RHOA: variants seen among roughly 807,000 people sequenced by gnomAD.
RHOA encodes the protein ras homolog family member A.
RHOA carries 3 observed loss-of-function variants against 17.5 expected under a neutral mutation model. The observed-to-expected ratio is 0.17, with a 90% CI of 0.08 to 0.44. The LOEUF is 0.44. Among genes scored for constraint, RHOA ranks in the 20% least tolerant of loss-of-function variants. RHOA has a pLI of 0.99. For missense variants in RHOA, 56 were observed against 242.3 expected (o/e 0.23, Z 5.10); for synonymous variants, 98 against 88.4 (o/e 1.11, Z -0.61).
chr3:49,361,148 C>A (rs2047965053), intron 4 of RHOA: 1 of 163,706 alleles, frequency 6.1e-6, no homozygotes, highest in South Asian at 1.2e-4. Flanking sequence ...ATGGTAACTA[C>A]CCCCTACCAA....
At chr3:49,377,687 T>C (rs868301460) in intron 1 of RHOA, among the ~76,000 whole-genome samples, 7 of 150,800 alleles carry the variant, frequency 4.6e-5, no homozygotes, top group East Asian at 1.9e-4. Flanking sequence ...GGTGGGAGGA[T>C]TGCTTGAGCC....
intron 3 of RHOA, among the ~76,000 whole-genome samples, chr3:49,364,312 C>T (rs2048019209): frequency 6.6e-6 from 1 of 151,964 alleles, no homozygotes; most frequent in Non-Finnish European, 1.5e-5. Flanking sequence ...ATGGAGAAAC[C>T]CCGTCTCTAC....
rs878870965 is a variant in RHOA at position 49,362,629 on chromosome 3, G to T, written c.278-3C>A. The T allele has an allele frequency of 6.2e-7, 1 of 1,606,258 alleles. No individual in the cohort carries two copies. Among genetic ancestry groups the T allele is most frequent in the Non-Finnish European group, 8.5e-7 (1 of 1,176,440 alleles). ...GGTCCACTTTTCTGGGATGTTTTCTGAAAGAAAAATGTAGAGAATTTGGGG... is the reference window on the plus strand; with the variant it reads ...GGTCCACTTTTCTGGGATGTTTTCTTAAAGAAAAATGTAGAGAATTTGGGG... On this transcript the variant is annotated splice_region_variant and splice_polypyrimidine_tract_variant and intron_variant, in intron 3 of 4. Coordinates refer to ENST00000418115, the MANE Select transcript of RHOA (RefSeq NM_001664.4).
intron 4 of RHOA, among the ~76,000 whole-genome samples, chr3:49,361,741 C>T (rs1210272924): frequency 2.6e-5 from 4 of 151,990 alleles, no homozygotes; most frequent in East Asian, 3.9e-4. Context: ...ATTAGCCAGG[C>T]GTGGTGGCAC....
chr3:49,400,257 C>T (rs1320825833), intron 1 of RHOA, among the ~76,000 whole-genome samples: 2 of 150,842 alleles, frequency 1.3e-5, no homozygotes, highest in African/African-American at 2.4e-5. Flanking sequence ...AAGCATACTG[C>T]CCCCCTCTCC....
intron 1 of RHOA, among the ~76,000 whole-genome samples, chr3:49,399,054 CAAAAAAAAAAAAAAAAAAAA>C (rs10530558): frequency 4.0e-5 from 1 of 24,830 alleles, no homozygotes; most frequent in Non-Finnish European, 6.6e-5. Context: ...GACTCCGTCT[CAAAAAAAAAAAAAAAAAAAA>C]AAAAAAAAAA....
chr3:49,367,342 C>CAAAAAAAAAAAAAAAAAAAAAAAAAAAA (rs62926260), intron 3 of RHOA, among the ~76,000 whole-genome samples: 3 of 80,480 alleles, frequency 3.7e-5, no homozygotes, highest in African/African-American at 1.0e-4. Context: ...GACTCCCTCT[C>CAAAAAAAAAAAAAAAAAAAAAAAAAAAA]AAAAAAAAAA....
chr3:49,379,240 G>T (rs2048279821), intron 1 of RHOA, among the ~76,000 whole-genome samples: 1 of 152,146 alleles, frequency 6.6e-6, no homozygotes, highest in Admixed American at 6.6e-5. Flanking sequence ...AGTATGGATA[G>T]ATCTTGGAAA....
At chr3:49,368,008 C>T (rs1166914294) in intron 3 of RHOA, among the ~76,000 whole-genome samples, 1 of 152,070 alleles carries the variant, frequency 6.6e-6, no homozygotes, top group African/African-American at 2.4e-5. Context: ...CTACCAGGTT[C>T]AAACGATTCT....
intron 1 of RHOA, among the ~76,000 whole-genome samples, chr3:49,403,294 C>T (rs1327644132): frequency 5.3e-5 from 8 of 151,920 alleles, no homozygotes; most frequent in Non-Finnish European, 8.8e-5. Context: ...GCCAAGATTG[C>T]GGCACTGCAC....
At chr3:49,391,673 G>C (rs753484258) in intron 1 of RHOA, among the ~76,000 whole-genome samples, 1 of 151,950 alleles carries the variant, frequency 6.6e-6, no homozygotes, top group Non-Finnish European at 1.5e-5. Context: ...CACCATGCCC[G>C]GGTAATTTTG....
At chr3:49,363,762 G>A (rs1349875441) in intron 3 of RHOA, among the ~76,000 whole-genome samples, 2 of 152,060 alleles carry the variant, frequency 1.3e-5, no homozygotes, top group Non-Finnish European at 2.9e-5. Flanking sequence ...TGAGGCAGAA[G>A]AAACACTTGA....
At chr3:49,377,746 C>A (rs2117939) in intron 1 of RHOA, among the ~76,000 whole-genome samples, 64,785 of 151,640 alleles carry the variant, frequency 0.43, 15,263 homozygotes, top group East Asian at 0.93. Context: ...TGCACTCCAG[C>A]CTGGGTGACA....
chr3:49,360,167 C>T lies in RHOA; in HGVS notation c.*42G>A. The T allele has an allele frequency of 6.3e-7, 1 of 1,575,022 alleles. No homozygotes were observed. The highest frequency in any genetic ancestry group is 8.6e-7 in the Non-Finnish European group (1 of 1,162,420). On this transcript the variant is annotated 3_prime_UTR_variant, in exon 5 of 5. Transcript: ENST00000418115. ...CATACACTAAGATTAATAAACAGCACTTCAAAATTAACCGCATAAGGGCTG... is the reference window on the plus strand; with the variant it reads ...CATACACTAAGATTAATAAACAGCATTTCAAAATTAACCGCATAAGGGCTG...
intron 1 of RHOA, among the ~76,000 whole-genome samples, chr3:49,380,716 T>A (rs973849944): frequency 8.9e-6 from 1 of 112,138 alleles, no homozygotes; most frequent in Non-Finnish European, 1.8e-5. Flanking sequence ...ATAATAATAA[T>A]AATAAATACT....
At chr3:49,400,124 A>C (rs2048697463) in intron 1 of RHOA, among the ~76,000 whole-genome samples, 1 of 151,052 alleles carries the variant, frequency 6.6e-6, no homozygotes, top group African/African-American at 2.4e-5. Context: ...AGGCAGGAGA[A>C]TCGCTTGAAC....
At chr3:49,377,378 A>G (rs1303747632) in intron 1 of RHOA, among the ~76,000 whole-genome samples, 1 of 152,094 alleles carries the variant, frequency 6.6e-6, no homozygotes, top group East Asian at 1.9e-4. Context: ...GGACTGCTTG[A>G]GAGTCCAGGA....
At chr3:49,389,836 C>T (rs954225467) in intron 1 of RHOA, among the ~76,000 whole-genome samples, 1 of 148,524 alleles carries the variant, frequency 6.7e-6, no homozygotes, top group Non-Finnish European at 1.5e-5. Context: ...ACTTGGGAGG[C>T]TGAGGCAGAA....
intron 4 of RHOA, among the ~76,000 whole-genome samples, chr3:49,361,223 G>A (rs1222012284): frequency 6.6e-6 from 1 of 152,152 alleles, no homozygotes; most frequent in African/African-American, 2.4e-5. Flanking sequence ...GAGGAGCCCT[G>A]GAAGGTTAAG....
Sources: allele counts gnomAD v4.1 joint callset (sites outside exome capture counted in the v4.1 genomes callset), GRCh38; gene constraint gnomAD v4.1.1; transcripts MANE v1.5; gene names NCBI Gene and HGNC (gene_info 2026-07-23, HGNC 2026-07-21).